Variants in TCF4 observed in about 807,000 individuals in gnomAD.
TCF4 encodes the protein SL3-3 enhancer factor 2.
Under a neutral mutation model 82.1 loss-of-function variants are expected in TCF4, and 3 were observed. The ratio of observed to expected loss-of-function variants is 0.04; its 90% confidence interval spans 0.02 to 0.09. The LOEUF is 0.09. Among genes scored for constraint, TCF4 ranks in the 10% least tolerant of loss-of-function variants. The pLI, the probability that TCF4 is intolerant of heterozygous loss-of-function variation, is 1.00. For synonymous variants in TCF4, 276 were observed against 309.6 expected (o/e 0.89, Z 1.14); for missense variants, 518 against 852.7 (o/e 0.61, Z 4.89).
intron 8 of TCF4, among the ~76,000 whole-genome samples, chr18:55,294,106 A>C (rs2065867769): frequency 6.6e-6 from 1 of 151,460 alleles, no homozygotes; most frequent in African/African-American, 2.4e-5. Flanking sequence ...CTAAAAATAC[A>C]AAAATTAGCT....
intron 3 of TCF4, among the ~76,000 whole-genome samples, chr18:55,572,556 T>C (rs1211757097): frequency 6.6e-6 from 1 of 152,164 alleles, no homozygotes; most frequent in Admixed American, 6.5e-5. Flanking sequence ...TGTGACAAAA[T>C]GCAATCTAAC....
intron 5 of TCF4, among the ~76,000 whole-genome samples, chr18:55,441,843 T>C (rs1016839722): frequency 6.6e-6 from 1 of 152,220 alleles, no homozygotes; most frequent in African/African-American, 2.4e-5. Context: ...GGCCACAGCA[T>C]AGTGTGCATT....
At chr18:55,444,439 G>C (rs1029889702) in intron 5 of TCF4, among the ~76,000 whole-genome samples, 2 of 152,162 alleles carry the variant, frequency 1.3e-5, no homozygotes, top group African/African-American at 4.8e-5. Context: ...GGGAATACAA[G>C]GTGTGATTAA....
chr18:55,593,098 C>T (rs1356322711), upstream of TCF4, among the ~76,000 whole-genome samples: 2 of 152,010 alleles, frequency 1.3e-5, no homozygotes, highest in African/African-American at 2.4e-5. Context: ...AAGTAGTGAC[C>T]GCTATTCTAG....
intron 3 of TCF4, among the ~76,000 whole-genome samples, chr18:55,476,019 C>T (rs1480296081): frequency 1.3e-5 from 2 of 152,174 alleles, no homozygotes; most frequent in Non-Finnish European, 2.9e-5. Flanking sequence ...GCTATCCTAA[C>T]AGGCTATTTG....
At chr18:55,383,122 C>T (rs1304103587) in intron 6 of TCF4, among the ~76,000 whole-genome samples, 10 of 152,180 alleles carry the variant, frequency 6.6e-5, no homozygotes, top group Non-Finnish European at 1.2e-4. Flanking sequence ...CCTGAAATTT[C>T]TCCAACCAGT....
At chr18:55,627,952 C>A (rs768420669) in intron 2 of TCF4, among the ~76,000 whole-genome samples, 3 of 151,930 alleles carry the variant, frequency 2.0e-5, no homozygotes, top group African/African-American at 7.3e-5. Flanking sequence ...CCCAGCTACT[C>A]GGGAGACTGA....
chr18:55,349,237 T>G (rs73960245), intron 8 of TCF4, among the ~76,000 whole-genome samples: 2,530 of 152,232 alleles, frequency 0.017, 72 homozygotes, highest in African/African-American at 0.057. Context: ...CATACAAAAT[T>G]TACTCTTTTT....
intron 3 of TCF4, among the ~76,000 whole-genome samples, chr18:55,519,377 T>G (rs1163510932): frequency 6.6e-6 from 1 of 150,592 alleles, no homozygotes; most frequent in Non-Finnish European, 1.5e-5. Context: ...AAGGCTGCAG[T>G]GTGCCCTGAT....
intron 3 of TCF4, among the ~76,000 whole-genome samples, chr18:55,554,387 T>C (rs964563564): frequency 3.9e-4 from 59 of 152,112 alleles, no homozygotes; most frequent in African/African-American, 1.4e-3. Context: ...ACACTAGTTT[T>C]ATTAATAAGG....
chr18:55,300,263 T>G (rs1038663749), intron 8 of TCF4, among the ~76,000 whole-genome samples: 1 of 152,184 alleles, frequency 6.6e-6, no homozygotes, highest in Admixed American at 6.5e-5. Flanking sequence ...TTCTTAACTG[T>G]GGTACACTTC....
chr18:55,241,810 T>G (rs2051326156), intron 15 of TCF4, among the ~76,000 whole-genome samples: 1 of 152,214 alleles, frequency 6.6e-6, no homozygotes, highest in Non-Finnish European at 1.5e-5. Context: ...CAAATACTCA[T>G]CTTTTAAATG....
intron 5 of TCF4, among the ~76,000 whole-genome samples, chr18:55,412,491 G>A (rs1278087762): frequency 6.6e-6 from 1 of 152,100 alleles, no homozygotes; most frequent in Admixed American, 6.5e-5. Context: ...TGCTCTGAAA[G>A]CATCTCTCTT....
chr18:55,532,508 G>T (rs926195940), intron 3 of TCF4, among the ~76,000 whole-genome samples: 9 of 152,174 alleles, frequency 5.9e-5, no homozygotes, highest in African/African-American at 2.2e-4. Context: ...ATAGAAAACC[G>T]TAATATGACC....
intron 10 of TCF4, among the ~76,000 whole-genome samples, chr18:55,272,184 GGA>G (rs1463195521): frequency 2.6e-5 from 4 of 152,016 alleles, no homozygotes; most frequent in African/African-American, 9.7e-5. Context: ...AGATTATAAA[GGA>G]GTGAACCAAT....
chr18:55,594,621 T>C (rs188973405), intron 2 of TCF4, among the ~76,000 whole-genome samples: 19 of 152,312 alleles, frequency 1.2e-4, no homozygotes, highest in African/African-American at 4.6e-4. Context: ...GTGAGTTTGA[T>C]TTCCAGCAGG....
intron 5 of TCF4, among the ~76,000 whole-genome samples, chr18:55,432,006 A>C (rs1032297613): frequency 1.3e-5 from 2 of 152,204 alleles, no homozygotes; most frequent in Non-Finnish European, 2.9e-5. Context: ...TCAGCATTTA[A>C]AAATGATAAT....
chr18:55,464,907 G>A (rs1032577373), intron 3 of TCF4, among the ~76,000 whole-genome samples: 4 of 152,200 alleles, frequency 2.6e-5, no homozygotes, highest in African/African-American at 9.7e-5. Context: ...AAGTTTTAAT[G>A]CTGAGTAGAT....
intron 3 of TCF4, among the ~76,000 whole-genome samples, chr18:55,582,093 C>A (rs1202047005): frequency 6.6e-6 from 1 of 152,092 alleles, no homozygotes; most frequent in East Asian, 1.9e-4. Flanking sequence ...GGATGTTTAT[C>A]TTTTCCTCAC....
Sources: allele counts gnomAD v4.1 joint callset (sites outside exome capture counted in the v4.1 genomes callset), GRCh38; gene constraint gnomAD v4.1.1; transcripts MANE v1.5; gene names NCBI Gene and HGNC (gene_info 2026-07-23, HGNC 2026-07-21).